Variants in EZR observed in about 807,000 individuals in gnomAD.
EZR encodes the protein ezrin, also known as cytovillin 2.
In EZR, 40 loss-of-function variants were observed where a neutral mutation model predicts 74.8. The observed-to-expected ratio is 0.53, with a 90% CI of 0.42 to 0.70. The LOEUF (loss-of-function observed/expected upper bound fraction) is 0.70, where lower values mean the gene tolerates loss of function less well. Ranked by LOEUF, EZR falls within the 30% of genes least tolerant of loss-of-function variation. The pLI, the probability that EZR is intolerant of heterozygous loss-of-function variation, is 0.00. For synonymous variants in EZR, 341 were observed against 283.3 expected, an observed-to-expected ratio of 1.20 and a Z score of -2.05; for missense variants, 678 against 755.8, an observed-to-expected ratio of 0.90 and a Z score of 1.21.
rs1035542614 is a variant in EZR, at chr6:158,809,975, T to C, written c.12+8107A>G. 5.3e-5 allele frequency among the ~76,000 whole-genome samples: 8 copies of C among 152,328 alleles called. No homozygotes were observed. In the East Asian group the frequency reaches 5.8e-4, roughly 11 times the overall value. ...AGTAAAAACAATTATTTACAGTATC[T>C]GAAATGACAACTGTCCACACAGGCA... On this transcript the variant is annotated intron_variant, in intron 2 of 13. Transcript: ENST00000367075.
intron 1 of EZR, among the ~76,000 whole-genome samples, chr6:158,819,092 T>C (rs1777633550): frequency 6.6e-6 from 1 of 151,732 alleles, no homozygotes; most frequent in African/African-American, 2.4e-5. Context: ...AGGCTCCGCG[T>C]TTCCTTCGGG....
At position 158,771,312 on chromosome 6, in the gene EZR, A is replaced by T; in HGVS notation, c.891T>A (p.Pro297=). 6.2e-7 allele frequency: 1 copy of T among 1,614,142 alleles called. No individual in the cohort carries two copies. The highest frequency in any genetic ancestry group is 8.5e-7 in the Non-Finnish European group (1 of 1,179,988). ...TCATCTGCTGCACCTCGATGGTGTC[A>T]GGCTTCCTGCGGCGCATATACAACT... ...NHELYMRRRK[P]DTIEVQQMKA... is the part of the protein sequence containing the mutation. The change falls in exon 9 of 14, where the codon CCT becomes CCA. Residue 297 remains proline, a synonymous_variant. Coordinates refer to ENST00000367075, the MANE Select transcript of EZR (RefSeq NM_001111077.2).
At chr6:158,802,396 A>G (rs773344084) in intron 2 of EZR, among the ~76,000 whole-genome samples, 5 of 108,788 alleles carry the variant, frequency 4.6e-5, no homozygotes. Context: ...TTTACCAAAT[A>G]TCAATTTTTA....
intron 2 of EZR, 69 bp downstream of exon 2, chr6:158,818,013 T>C: frequency 1.3e-6 from 2 of 1,531,960 alleles, no homozygotes; most frequent in Non-Finnish European, 1.8e-6. Flanking sequence ...CCCCAACACC[T>C]CGAGCAGGTG....
chr6:158,816,254 C>A (rs1042927184), intron 2 of EZR, among the ~76,000 whole-genome samples: 2 of 152,022 alleles, frequency 1.3e-5, no homozygotes, highest in African/African-American at 4.8e-5. Context: ...TTGGTGATGG[C>A]TATGTAACAA....
chr6:158,778,248 G>T (rs1332826051), intron 7 of EZR, among the ~76,000 whole-genome samples: 1 of 152,156 alleles, frequency 6.6e-6, no homozygotes, highest in East Asian at 1.9e-4. Flanking sequence ...AAGGGGCTGG[G>T]ATCCCCTCTC....
At chr6:158,818,018 C>T in intron 2 of EZR, 64 bp downstream of exon 2, 1 of 1,547,506 alleles carries the variant, frequency 6.5e-7, no homozygotes, top group South Asian at 1.2e-5. Flanking sequence ...ACACCTCGAG[C>T]AGGTGCCTCC....
intron 10 of EZR, 45 bp from the exon 11 acceptor site, chr6:158,769,989 G>T (rs764117149): frequency 1.3e-5 from 21 of 1,594,536 alleles, no homozygotes; most frequent in Non-Finnish European, 1.8e-5. Context: ...TCAGCCCAGG[G>T]ACCTAGGAGC....
In EZR at chr6:158,776,405, T is replaced by C; in HGVS notation, c.795+3A>G. 6.2e-7 allele frequency: 1 copy of C among 1,610,790 alleles called. No individual in the cohort carries two copies. The highest frequency in any genetic ancestry group is 8.5e-7 in the Non-Finnish European group (1 of 1,176,964). On this transcript the variant is annotated splice_donor_region_variant and intron_variant, in intron 8 of 13. Transcript: ENST00000367075. ...CCCCTGAATAGAATCCTTTGGAACT[T>C]ACAGGTGCCTTCTTGTCGATGGGTT...
chr6:158,790,781 T>C (rs1253682617), intron 2 of EZR, among the ~76,000 whole-genome samples: 1 of 152,168 alleles, frequency 6.6e-6, no homozygotes, highest in East Asian at 1.9e-4. Context: ...TACTAAAGTG[T>C]ATGAAAAACA....
rs1185603595 is a variant in EZR, at chr6:158,818,176, G to A, written c.-73-10C>T. Reference sequence around the variant, plus strand: ...AAGACGCTGTCCCAACCTGGAGTCAGAGCAGAACCCTTAGAGCGCCCGCCC... The same window carrying A: ...AAGACGCTGTCCCAACCTGGAGTCAAAGCAGAACCCTTAGAGCGCCCGCCC... On this transcript the variant is annotated splice_polypyrimidine_tract_variant and intron_variant, in intron 1 of 13. Transcript: ENST00000367075. 4.6e-6 allele frequency: 7 copies of A among 1,524,598 alleles called. No homozygotes were observed. The highest frequency in any genetic ancestry group is 6.3e-6 in the Non-Finnish European group (7 of 1,110,298). The allele number at this position is 1,524,598 out of a possible 1,614,324, so 94.4% of individuals were successfully genotyped here. A position where few individuals can be genotyped will look rare whatever the true frequency, so the allele number is the denominator to read the frequency against.
At chr6:158,817,988 G>A in intron 2 of EZR, 94 bp downstream of exon 2, 1 of 1,287,056 alleles carries the variant, frequency 7.8e-7, no homozygotes, top group Non-Finnish European at 1.1e-6. Context: ...GAAGAACCCT[G>A]TTCCCCAGGA....
intron 2 of EZR, among the ~76,000 whole-genome samples, chr6:158,795,653 C>T (rs1777054586): frequency 6.6e-6 from 1 of 152,182 alleles, no homozygotes; most frequent in Non-Finnish European, 1.5e-5. Flanking sequence ...GGCATTAGCC[C>T]TTCCTATCCC....
At chr6:158,778,817 A>T (rs1791350531) in intron 7 of EZR, among the ~76,000 whole-genome samples, 2 of 152,362 alleles carry the variant, frequency 1.3e-5, no homozygotes, top group African/African-American at 2.4e-5. Flanking sequence ...ATACTCATAG[A>T]TCATAACCCA....
Position 158,784,730 on chromosome 6 carries a change from G to T in EZR, c.468-3C>A, listed in dbSNP as rs1791524129. On this transcript the variant is annotated splice_polypyrimidine_tract_variant and splice_region_variant and intron_variant, in intron 5 of 13. Transcript: ENST00000367075. ...TAAGTTTGTGCTGGTCCATCACTCT[G>T]GAATGCAAAAGGAAACAGCACTGTC... 6.2e-7 allele frequency: 1 copy of T among 1,613,952 alleles called. No individual in the cohort carries two copies. Among genetic ancestry groups the T allele is most frequent in the East Asian group, 2.2e-5 (1 of 44,876 alleles).
At chr6:158,775,240 G>C (rs1189332868) in intron 8 of EZR, among the ~76,000 whole-genome samples, 1 of 151,928 alleles carries the variant, frequency 6.6e-6, no homozygotes, top group African/African-American at 2.4e-5. Flanking sequence ...CACTGTGTTG[G>C]CCAGGCTGGT....
intron 2 of EZR, among the ~76,000 whole-genome samples, chr6:158,790,004 G>C (rs901863967): frequency 2.6e-5 from 4 of 152,142 alleles, no homozygotes; most frequent in African/African-American, 7.2e-5. Flanking sequence ...CGACAGCCAA[G>C]GGAGGCAGGA....
At chr6:158,781,239 T>C (rs1477219122) in intron 7 of EZR, among the ~76,000 whole-genome samples, 1 of 152,156 alleles carries the variant, frequency 6.6e-6, no homozygotes, top group Non-Finnish European at 1.5e-5. Flanking sequence ...GGGAAAGAAT[T>C]TGGGCCTATT....
At chr6:158,819,216 C>G (rs1777636921) in intron 1 of EZR, 101 bp downstream of exon 1, 1 of 152,918 alleles carries the variant, frequency 6.5e-6, no homozygotes, top group Non-Finnish European at 1.5e-5. Context: ...CCCTAGGCTG[C>G]CCGCCGCACC....
Sources: allele counts gnomAD v4.1 joint callset (sites outside exome capture counted in the v4.1 genomes callset), GRCh38; gene constraint gnomAD v4.1.1; transcripts MANE v1.5; gene names NCBI Gene and HGNC (gene_info 2026-07-23, HGNC 2026-07-21).